Variants in SMYD1 observed in about 807,000 individuals in gnomAD.
SMYD1 encodes the protein histone-lysine N-methyltransferase SMYD1.
In SMYD1, 49 loss-of-function variants were observed where a neutral mutation model predicts 54.0. That is an observed-to-expected ratio of 0.91 (90% confidence interval 0.72 to 1.15). SMYD1 has a LOEUF of 1.15. Among genes scored for constraint, SMYD1 ranks in the 50% most tolerant of loss-of-function variants. SMYD1 has a pLI of 0.00. For synonymous variants in SMYD1, 269 were observed against 234.2 expected (o/e 1.15, Z -1.36); for missense variants, 653 against 639.6 (o/e 1.02, Z -0.23).
chr2:88,091,927 G>A (rs1287668415), intron 4 of SMYD1, among the ~76,000 whole-genome samples: 1 of 152,114 alleles, frequency 6.6e-6, no homozygotes, highest in Non-Finnish European at 1.5e-5. Flanking sequence ...AACAGGAATG[G>A]TGAGGTGCCC....
chr2:88,072,494 T>A lies in SMYD1; in HGVS notation c.137+4493T>A, dbSNP rs563676697. ...TATGCTTTGATTGTAAGACACAAAA[T>A]GTCCCTAAATTCTGGATATTAAAAT... On this transcript the variant is annotated intron_variant, in intron 1 of 9. Transcript: ENST00000419482. Among the ~76,000 whole-genome samples the A allele has an allele frequency of 5.3e-5, 8 of 152,330 alleles. No homozygotes were observed. The South Asian group carries it at 1.7e-3, about 32-fold the overall frequency.
At chr2:88,076,294 A>G (rs1018577801) in intron 1 of SMYD1, among the ~76,000 whole-genome samples, 3 of 152,078 alleles carry the variant, frequency 2.0e-5, no homozygotes, top group Non-Finnish European at 4.4e-5. Context: ...GGCTCACCGC[A>G]AGCTCCGCCT....
intron 1 of SMYD1, among the ~76,000 whole-genome samples, chr2:88,070,664 C>T (rs551057091): frequency 6.6e-6 from 1 of 152,038 alleles, no homozygotes; most frequent in South Asian, 2.1e-4. Context: ...ATAGTTTTGG[C>T]CGGGTGTGGT....
chr2:88,103,386 G>T (rs913806398), intron 7 of SMYD1, among the ~76,000 whole-genome samples: 4 of 152,112 alleles, frequency 2.6e-5, no homozygotes, highest in African/African-American at 9.7e-5. Context: ...GGTCTGAGGG[G>T]AGCAAATGCA....
intron 5 of SMYD1, among the ~76,000 whole-genome samples, chr2:88,094,530 T>A (rs1476449441): frequency 1.3e-5 from 2 of 152,234 alleles, no homozygotes; most frequent in Non-Finnish European, 2.9e-5. Context: ...TCCTGCCTCC[T>A]GCAGTGCTTA....
intron 1 of SMYD1, among the ~76,000 whole-genome samples, chr2:88,080,082 G>A (rs1363144544): frequency 6.6e-6 from 1 of 152,230 alleles, no homozygotes; most frequent in Non-Finnish European, 1.5e-5. Flanking sequence ...TCAACTACAT[G>A]TGTTCATTGT....
At chr2:88,091,505 G>A (rs1674461176) in intron 4 of SMYD1, among the ~76,000 whole-genome samples, 1 of 152,152 alleles carries the variant, frequency 6.6e-6, no homozygotes, top group Admixed American at 6.5e-5. Context: ...TACCCAAATA[G>A]AATTGAATGA....
At chr2:88,104,147 C>T (rs979318472) in intron 7 of SMYD1, among the ~76,000 whole-genome samples, 17 of 152,038 alleles carry the variant, frequency 1.1e-4, no homozygotes, top group African/African-American at 3.6e-4. Flanking sequence ...TTTGTACTTT[C>T]AGTAGAGAAG....
At position 88,093,520 on chromosome 2, in the gene SMYD1, T is replaced by C. The variant is rs912978917; in HGVS notation, c.663T>C (p.His221=). Residue 221 remains histidine, a synonymous_variant, in exon 5 of 10, where the codon CAT becomes CAC. Transcript: ENST00000419482. ...NCTVIFNNGN[H]EAVKSMFHTQ... ...GGGTGTCTGTTTTGTCTTTCAGTCA[T>C]GAGGCAGTGAAATCCATGTTTCATA... The C allele has an allele frequency of 6.2e-7, 1 of 1,614,186 alleles. No individual in the cohort carries two copies.
chr2:88,075,243 A>G (rs1194406635), intron 1 of SMYD1, among the ~76,000 whole-genome samples: 1 of 152,198 alleles, frequency 6.6e-6, no homozygotes, highest in Non-Finnish European at 1.5e-5. Context: ...TTGCTCAATA[A>G]TTCTTAAATC....
intron 4 of SMYD1, among the ~76,000 whole-genome samples, chr2:88,093,195 T>G (rs1259578609): frequency 6.6e-6 from 1 of 152,182 alleles, no homozygotes. Flanking sequence ...TTGTGCATGT[T>G]TTTCCAGCAC....
Position 88,068,080 on chromosome 2 carries a change from C to T in SMYD1, c.137+79C>T, listed in dbSNP as rs1673870494. The stretch of plus-strand genomic sequence containing the variant: ...TCTAAAATACTTTGCTCTCAAAAAT[C>T]ATCAGGGGAAGGGATAAAATTCATG... On this transcript the variant is annotated intron_variant, in intron 1 of 9. Transcript: ENST00000419482. 8.0e-6 allele frequency: 12 copies of T among 1,502,820 alleles called. 1 individual carries two copies. The South Asian group carries it at 1.6e-4, about 20-fold the overall frequency. 93.1% of individuals were successfully genotyped at this position (1,502,820 alleles called of 1,614,324 possible).
chr2:88,083,766 A>G (rs1163642774), intron 1 of SMYD1, among the ~76,000 whole-genome samples: 2 of 152,166 alleles, frequency 1.3e-5, no homozygotes, highest in African/African-American at 4.8e-5. Flanking sequence ...GCTTATATGC[A>G]GAGGGTAAGA....
chr2:88,082,810 A>AG (rs1674229351), intron 1 of SMYD1, among the ~76,000 whole-genome samples: 1 of 152,202 alleles, frequency 6.6e-6, no homozygotes, highest in Admixed American at 6.5e-5. Flanking sequence ...TGACCTGACC[A>AG]GGCTTGTTCC....
At chr2:88,095,119 T>A (rs1674551026) in intron 5 of SMYD1, among the ~76,000 whole-genome samples, 1 of 152,186 alleles carries the variant, frequency 6.6e-6, no homozygotes, top group African/African-American at 2.4e-5. Context: ...CCCTCTTGTG[T>A]CACTATCCTC....
chr2:88,081,878 C>T (rs898809813), intron 1 of SMYD1, among the ~76,000 whole-genome samples: 2 of 152,200 alleles, frequency 1.3e-5, no homozygotes, highest in African/African-American at 2.4e-5. Context: ...GACACCCAAG[C>T]TCTTACCTGT....
chr2:88,103,900 C>T (rs1303109199), intron 7 of SMYD1, among the ~76,000 whole-genome samples: 1 of 151,964 alleles, frequency 6.6e-6, no homozygotes, highest in Non-Finnish European at 1.5e-5. Context: ...CGCTAAGCAA[C>T]TCGAATGTTA....
intron 1 of SMYD1, chr2:88,083,280 A>G (rs1168957815): frequency 6.6e-6 from 1 of 152,196 alleles, no homozygotes; most frequent in East Asian, 1.9e-4. Flanking sequence ...GATTCTGTAC[A>G]TCATACCAGA....
intron 1 of SMYD1, among the ~76,000 whole-genome samples, chr2:88,069,022 C>G (rs1301553806): frequency 6.6e-6 from 1 of 152,162 alleles, no homozygotes; most frequent in Non-Finnish European, 1.5e-5. Context: ...TATAGGCTCT[C>G]CAAACAGGCT....
Sources: allele counts gnomAD v4.1 joint callset (sites outside exome capture counted in the v4.1 genomes callset), GRCh38; gene constraint gnomAD v4.1.1; transcripts MANE v1.5; gene names NCBI Gene and HGNC (gene_info 2026-07-23, HGNC 2026-07-21).